The following SLC5A1 variants were observed in gnomAD, a reference collection of about 807,000 sequenced individuals.
SLC5A1 encodes solute carrier family 5 member 1.
A neutral mutation model predicts 73.5 loss-of-function variants in SLC5A1; 42 were observed. That is an observed-to-expected ratio of 0.57 (90% CI 0.45 to 0.74). The LOEUF is 0.74. Among genes scored for constraint, SLC5A1 ranks in the 30% least tolerant of loss-of-function variants. The pLI is 0.00. For missense variants in SLC5A1, 634 were observed against 855.4 expected (o/e 0.74, Z 3.23); for synonymous variants, 300 against 317.4 (o/e 0.95, Z 0.58).
chr22:32,109,556 C>T (rs866866867), intron 14 of SLC5A1, among the ~76,000 whole-genome samples: 1 of 152,188 alleles, frequency 6.6e-6, no homozygotes. Flanking sequence ...CCAACGCACT[C>T]CTGAATCATG....
In SLC5A1 at chr22:32,068,679, G is replaced by C. The variant is rs1251491899; in HGVS notation, c.477+79G>C. 12 of 990,272 alleles carry C rather than the reference G, an allele frequency of 1.2e-5. No homozygotes were observed. In the Admixed American group the frequency reaches 2.1e-4, roughly 18 times the overall value. The allele number at this position is 990,272 out of a possible 1,614,324, so 61.3% of individuals were successfully genotyped here. ...CCTCATCACATGCTGCCCACCAAGA[G>C]GCGGCTCTATACATTTCTATTAACT... On this transcript the variant is annotated intron_variant, in intron 5 of 14. Transcript: ENST00000266088.
chr22:32,064,425 G>T (rs2093969004), intron 2 of SLC5A1, among the ~76,000 whole-genome samples: 1 of 151,964 alleles, frequency 6.6e-6, no homozygotes, highest in Non-Finnish European at 1.5e-5. Context: ...GAGCCTGGGA[G>T]GCAGAGGTTG....
At chr22:32,052,179 T>A (rs1603103895) in intron 2 of SLC5A1, among the ~76,000 whole-genome samples, 1 of 152,312 alleles carries the variant, frequency 6.6e-6, no homozygotes, top group East Asian at 1.9e-4. Flanking sequence ...GGTCTCTTTC[T>A]CCTTGTCTTT....
At chr22:32,088,269 G>A (rs780155450) in intron 10 of SLC5A1, among the ~76,000 whole-genome samples, 3 of 152,078 alleles carry the variant, frequency 2.0e-5, no homozygotes, top group South Asian at 2.1e-4. Flanking sequence ...ATAAAATGCC[G>A]TGCTTCCCTG....
rs540568755 is a variant in SLC5A1, at chr22:32,043,774, C to T, written c.135+358C>T. On this transcript the variant is annotated intron_variant, in intron 1 of 14. Transcript: ENST00000266088. The surrounding 1 kb of genome is among the most constrained non-coding windows in gnomAD (Gnocchi z 6.5). ...TGGGGCTTGGGAGATGAGCCTCTAG[C>T]AGGTGACTACTGTCCTACCTTTTAG... Among the ~76,000 whole-genome samples, 1 of 152,278 alleles carries T rather than the reference C, an allele frequency of 6.6e-6. No individual in the cohort carries two copies. The highest frequency in any genetic ancestry group is 1.9e-4 in the East Asian group (1 of 5,174).
intron 10 of SLC5A1, among the ~76,000 whole-genome samples, chr22:32,091,192 G>C (rs149848419): frequency 1.3e-5 from 2 of 151,948 alleles, no homozygotes; most frequent in Admixed American, 6.6e-5. Context: ...ACTTTCTTGA[G>C]AGCCCCATCT....
intron 2 of SLC5A1, among the ~76,000 whole-genome samples, chr22:32,058,274 C>T (rs1460159668): frequency 6.6e-6 from 1 of 152,182 alleles, no homozygotes; most frequent in Non-Finnish European, 1.5e-5. Flanking sequence ...ATAATCCTAG[C>T]ACTTTGGGAA....
At chr22:32,055,447 A>C (rs1189242204) in intron 2 of SLC5A1, among the ~76,000 whole-genome samples, 1 of 152,232 alleles carries the variant, frequency 6.6e-6, no homozygotes, top group Non-Finnish European at 1.5e-5. Context: ...AGAGCTTCCT[A>C]AGAGAGACAC....
intron 1 of SLC5A1, among the ~76,000 whole-genome samples, chr22:32,046,965 C>T (rs1424477810): frequency 1.3e-5 from 2 of 152,152 alleles, no homozygotes; most frequent in Non-Finnish European, 2.9e-5. Flanking sequence ...ATTTTCTGTG[C>T]ACAAGGCATT....
At chr22:32,090,455 A>G (rs79065504) in intron 10 of SLC5A1, among the ~76,000 whole-genome samples, 6,847 of 152,090 alleles carry the variant, frequency 0.045, 208 homozygotes, top group Non-Finnish European at 0.071. Context: ...TGCAAGGTTC[A>G]TATGTGTCCT....
rs946417485 is a variant in SLC5A1, at chr22:32,099,432, G to A, written c.1449+81G>A. ...TGGGTTTGCATATTCTCTGTGGGAG[G>A]GATTCTATTTCCCAGAGATCTTGAG... On this transcript the variant is annotated intron_variant, in intron 12 of 14. Coordinates refer to ENST00000266088, the MANE Select transcript of SLC5A1 (RefSeq NM_000343.4). 25 of 1,296,022 alleles carry A rather than the reference G, an allele frequency of 1.9e-5. No homozygotes were observed. The African/African-American group carries it at 2.9e-4, about 15-fold the overall frequency. 80.3% of individuals were successfully genotyped at this position (1,296,022 alleles called of 1,614,324 possible).
At chr22:32,101,498 AAAGT>A (rs1415256699) in intron 12 of SLC5A1, among the ~76,000 whole-genome samples, 23 of 152,328 alleles carry the variant, frequency 1.5e-4, no homozygotes, top group African/African-American at 5.5e-4. Context: ...GAGGGCTAAA[AAAGT>A]AAGTGTTATT....
At position 32,110,218 on chromosome 22, in the gene SLC5A1, T is replaced by C. The variant is rs1293095056; in HGVS notation, c.*5T>C. On this transcript the variant is annotated 3_prime_UTR_variant, in exon 15 of 15. Transcript: ENST00000266088. ...TGCCATGCATATTTTGCCTGAGTCC[T>C]ACCTTTTGCTGTAGATTTACCATGG... is the stretch of plus-strand genomic sequence containing the variant. 6.3e-7 allele frequency: 1 copy of C among 1,594,222 alleles called. No individual in the cohort carries two copies. Among genetic ancestry groups the C allele is most frequent in the East Asian group, 2.2e-5 (1 of 44,808 alleles).
intron 1 of SLC5A1, 62 bp from the exon 2 acceptor site, chr22:32,049,881 C>T (rs2149483340): frequency 7.2e-7 from 1 of 1,382,052 alleles, no homozygotes; most frequent in Non-Finnish European, 1.0e-6. Flanking sequence ...GAGGTATGTC[C>T]TTTTGGCTGG....
At chr22:32,073,688 C>A (rs1003827079) in intron 5 of SLC5A1, among the ~76,000 whole-genome samples, 1 of 152,040 alleles carries the variant, frequency 6.6e-6, no homozygotes, top group Non-Finnish European at 1.5e-5. Flanking sequence ...TCCTGAGTAG[C>A]TGGGATTACA....
At chr22:32,074,909 T>C (rs1005760398) in intron 5 of SLC5A1, among the ~76,000 whole-genome samples, 1 of 152,014 alleles carries the variant, frequency 6.6e-6, no homozygotes, top group African/African-American at 2.4e-5. Context: ...TATTTGTTTG[T>C]TTACTGAGAT....
chr22:32,068,603 G>A lies in SLC5A1; in HGVS notation c.477+3G>A, dbSNP rs984098955. ...TCTACATTTTCACCAAGATCTCGGT[G>A]AGTCCACTGCCCCAGAGGGCTGGGC... On this transcript the variant is annotated splice_donor_region_variant and intron_variant, in intron 5 of 14. Transcript: ENST00000266088. 8.2e-6 allele frequency: 13 copies of A among 1,595,076 alleles called. No individual in the cohort carries two copies. The highest frequency in any genetic ancestry group is 5.5e-5 in the South Asian group (5 of 90,680).
chr22:32,091,843 G>C lies in SLC5A1; in HGVS notation c.1280+81G>C, dbSNP rs1603135540. On this transcript the variant is annotated intron_variant, in intron 11 of 14. Transcript: ENST00000266088. ...TGTGTTACCCCTCAAGCTAGGGAAG[G>C]TTGGCAGATGCCTGGGTAGAATGGG... 2.8e-6 allele frequency: 4 copies of C among 1,414,552 alleles called. No homozygotes were observed. In the East Asian group the frequency reaches 6.8e-5, roughly 24 times the overall value. The allele number at this position is 1,414,552 out of a possible 1,614,324, so 87.6% of individuals were successfully genotyped here. A position where few individuals can be genotyped will look rare whatever the true frequency, so the allele number is the denominator to read the frequency against.
chr22:32,067,563 G>A (rs756124794), intron 3 of SLC5A1, among the ~76,000 whole-genome samples: 37 of 151,748 alleles, frequency 2.4e-4, no homozygotes, highest in African/African-American at 8.2e-4. Flanking sequence ...GTAGAAGCAG[G>A]GCCTCACTAT....
Sources: gnomAD v4.1 joint callset for allele counts (sites outside exome capture counted in the v4.1 genomes callset) on GRCh38, gnomAD v4.1.1 for gene constraint, Gnocchi (gnomAD v3.1) non-coding constraint, MANE v1.5 for transcripts, NCBI Gene and HGNC (gene_info 2026-07-23, HGNC 2026-07-21) for gene names.